Variants in UPK3A observed in about 807,000 individuals in gnomAD.
UPK3A encodes uroplakin-3a.
In UPK3A, 32 loss-of-function variants were observed where a neutral mutation model predicts 27.6. The observed-to-expected ratio is 1.16, with a 90% CI of 0.87 to 1.55. The LOEUF (loss-of-function observed/expected upper bound fraction) is 1.55, where lower values mean the gene tolerates loss of function less well. Among genes scored for constraint, UPK3A ranks in the 40% most tolerant of loss-of-function variants. The pLI, the probability that UPK3A is intolerant of heterozygous loss-of-function variation, is 0.00. For missense variants in UPK3A, 370 were observed against 367.9 expected (o/e 1.01, Z -0.05); for synonymous variants, 171 against 163.9 (o/e 1.04, Z -0.33).
At chr22:45,295,078 G>A (rs1344134349) in intron 5 of UPK3A, among the ~76,000 whole-genome samples, 1 of 152,054 alleles carries the variant, frequency 6.6e-6, no homozygotes, top group Non-Finnish European at 1.5e-5. Flanking sequence ...ATGTTGGCCA[G>A]GCTGGTCTCG....
In UPK3A at chr22:45,286,108, G is replaced by T. The variant is rs1429773710; in HGVS notation, c.208+12G>T. On this transcript the variant is annotated intron_variant, in intron 2 of 5. Transcript: ENST00000216211. ...CCTGGTCGACTCAGGTAAGGGTCCT[G>T]CTTCCCTCTGGCTACTCCAAAAGGG... The T allele has an allele frequency of 1.9e-6, 3 of 1,613,992 alleles. No individual in the cohort carries two copies. In the Admixed American group the frequency reaches 5.0e-5, roughly 27 times the overall value.
At position 45,292,660 on chromosome 22, in the gene UPK3A, T is replaced by C. The variant is rs148360800; in HGVS notation, c.572-521T>C. Among the ~76,000 whole-genome samples the C allele has an allele frequency of 4.6e-3, 692 of 152,072 alleles. 3 individuals are homozygous for C. Among genetic ancestry groups the C allele is most frequent in the African/African-American group, 0.016 (650 of 41,476 alleles). ...GGCTCACACCTATAATCCCAACACATTGGGAGGCTGAGGTGGGAGGATTGC... is the reference window on the plus strand; with the variant it reads ...GGCTCACACCTATAATCCCAACACACTGGGAGGCTGAGGTGGGAGGATTGC... On this transcript the variant is annotated intron_variant, in intron 4 of 5. Coordinates refer to ENST00000216211, the MANE Select transcript of UPK3A (RefSeq NM_006953.4).
At chr22:45,293,445 C>A (rs746052352) in intron 5 of UPK3A, 132 bp downstream of exon 5, 4 of 1,189,566 alleles carry the variant, frequency 3.4e-6, no homozygotes, top group South Asian at 2.5e-5. Flanking sequence ...CTCTGCCCCG[C>A]GGGTGGGGTC....
rs1253660910 is a variant in UPK3A at position 45,286,036 on chromosome 22, G to C, written c.148G>C (p.Asp50His). 4 of 1,614,180 alleles carry C rather than the reference G, an allele frequency of 2.5e-6. No individual in the cohort carries two copies. Among genetic ancestry groups the C allele is most frequent in the Non-Finnish European group, 3.4e-6 (4 of 1,180,030 alleles). The change falls in exon 2 of 6, where the codon GAC becomes CAC. Residue 50 changes from aspartate (D) to histidine (H), a missense_variant. By Grantham distance (81) the Asp-to-His change is moderately conservative. Transcript: ENST00000216211. Reference sequence around the variant, plus strand: ...CTTGGAAAAGCCTCTCTGCATGTTTGACAGCAAAGAGGCCCTCACTGGCAC... The same window carrying C: ...CTTGGAAAAGCCTCTCTGCATGTTTCACAGCAAAGAGGCCCTCACTGGCAC... ...VALEKPLCMF[D>H]SKEALTGTHE...
intron 5 of UPK3A, among the ~76,000 whole-genome samples, chr22:45,293,632 T>C (rs1235148618): frequency 1.3e-5 from 2 of 152,318 alleles, no homozygotes; most frequent in African/African-American, 4.8e-5. Context: ...ATCCTTCTGT[T>C]CTTCAGTTTC....
chr22:45,290,168 G>A (rs902132051), intron 4 of UPK3A, among the ~76,000 whole-genome samples: 2 of 152,192 alleles, frequency 1.3e-5, no homozygotes, highest in Admixed American at 6.5e-5. Flanking sequence ...GAGACCCAAA[G>A]TTCATATACA....
intron 3 of UPK3A, among the ~76,000 whole-genome samples, 163 bp downstream of exon 3, chr22:45,287,614 C>T (rs928939167): frequency 2.0e-5 from 3 of 152,090 alleles, no homozygotes; most frequent in Admixed American, 6.6e-5. Flanking sequence ...CAGAAGAGGC[C>T]CCTCTTGGAT....
intron 5 of UPK3A, among the ~76,000 whole-genome samples, chr22:45,295,282 C>A (rs1455868934): frequency 6.6e-6 from 1 of 152,138 alleles, no homozygotes; most frequent in Non-Finnish European, 1.5e-5. Context: ...TCTGCCCCTG[C>A]AACCTTAGCT....
Position 45,285,856 on chromosome 22 carries a change from C to T in UPK3A, c.53-85C>T, listed in dbSNP as rs1332610933. 1.9e-6 allele frequency: 3 copies of T among 1,594,144 alleles called. No homozygotes were observed. The African/African-American group carries it at 4.0e-5, about 21-fold the overall frequency. On this transcript the variant is annotated intron_variant, in intron 1 of 5. Transcript: ENST00000216211. ...GGAGGGTGAAGCCCAGGGCCTGGCA[C>T]ACAACACGTGCTCAGTAACTGCAAG...
chr22:45,285,712 TG>T (rs1249034927), intron 1 of UPK3A, among the ~76,000 whole-genome samples: 1 of 152,040 alleles, frequency 6.6e-6, no homozygotes, highest in Non-Finnish European at 1.5e-5. Flanking sequence ...GTGGAGTTCT[TG>T]GCAACTGAGT....
intron 5 of UPK3A, among the ~76,000 whole-genome samples, chr22:45,294,050 G>A (rs556484730): frequency 3.2e-4 from 48 of 152,210 alleles, no homozygotes; most frequent in African/African-American, 1.1e-3. Context: ...CCAAGGTGCC[G>A]TGGGAATCCA....
At chr22:45,294,828 C>T (rs574371952) in intron 5 of UPK3A, among the ~76,000 whole-genome samples, 2 of 151,972 alleles carry the variant, frequency 1.3e-5, no homozygotes. Context: ...TGCCTCACAC[C>T]CACCATGTGC....
Position 45,285,958 on chromosome 22 carries a change from C to T in UPK3A, c.70C>T (p.Gln24Ter). ...RFGSAVNLQP[Q>*]LASVTFATNN... The stretch of plus-strand genomic sequence containing the variant: ...TCCTCCAGCTGTGAACCTGCAGCCC[C>T]AACTGGCCAGTGTGACTTTCGCCAC... The change falls in exon 2 of 6, where the codon CAA (glutamine) becomes TAA (stop). Residue 24 changes from glutamine to a stop codon, truncating the protein, a stop_gained. Transcript: ENST00000216211. LOFTEE classifies it high-confidence loss of function. The T allele has an allele frequency of 3.1e-6, 5 of 1,614,100 alleles. No homozygotes were observed. Among genetic ancestry groups the T allele is most frequent in the Non-Finnish European group, 4.2e-6 (5 of 1,180,010 alleles).
intron 4 of UPK3A, among the ~76,000 whole-genome samples, chr22:45,291,862 T>C (rs1339590662): frequency 2.0e-5 from 3 of 149,928 alleles, no homozygotes; most frequent in Non-Finnish European, 4.4e-5. Context: ...TGAGTTGGTA[T>C]GTGTGGTGTG....
intron 4 of UPK3A, 64 bp from the exon 5 acceptor site, chr22:45,293,117 C>G: frequency 6.2e-7 from 1 of 1,604,900 alleles, no homozygotes; most frequent in Non-Finnish European, 8.5e-7. Context: ...CACCCGCCGC[C>G]TCCTGGGAGA....
At chr22:45,288,963 G>A (rs890308743) in intron 3 of UPK3A, 98 bp from the exon 4 acceptor site, 22 of 1,194,338 alleles carry the variant, frequency 1.8e-5, no homozygotes, top group Admixed American at 8.6e-5. Flanking sequence ...CCCCGCTGCC[G>A]TCTCCCACCC....
rs148092702 is a variant in UPK3A, at chr22:45,287,298, A to C, written c.335A>C (p.Asp112Ala). The change falls in exon 3 of 6, where the codon GAC becomes GCC. Residue 112 changes from aspartate (D) to alanine (A), a missense_variant. Asp to Ala is a moderately radical substitution (Grantham distance 126). Transcript: ENST00000216211. ...GCCTTTGACCTGATCCCCTGCAGTGACCTGCCCAGCCTGGATGCCATTGGG... is the reference window on the plus strand; with the variant it reads ...GCCTTTGACCTGATCCCCTGCAGTGCCCTGCCCAGCCTGGATGCCATTGGG... ...AVAFDLIPCS[D>A]LPSLDAIGDV... The C allele has an allele frequency of 5.1e-5, 82 of 1,614,078 alleles. No individual in the cohort carries two copies. In the African/African-American group the frequency reaches 8.5e-4, roughly 17 times the overall value.
intron 4 of UPK3A, among the ~76,000 whole-genome samples, chr22:45,289,446 G>GC (rs1480999383): frequency 5.3e-5 from 8 of 151,994 alleles, no homozygotes; most frequent in Non-Finnish European, 1.0e-4. Context: ...AGGCGTGGTG[G>GC]GGGTGCCTTT....
chr22:45,292,931 C>CAAA (rs56662710), intron 4 of UPK3A, among the ~76,000 whole-genome samples: 9 of 111,500 alleles, frequency 8.1e-5, no homozygotes, highest in African/African-American at 2.8e-4. Context: ...TAAAATAATG[C>CAAA]AAAAAAAAAA....
Sources: gnomAD v4.1 joint callset for allele counts (sites outside exome capture counted in the v4.1 genomes callset) on GRCh38, gnomAD v4.1.1 for gene constraint, MANE v1.5 for transcripts, NCBI Gene and HGNC (gene_info 2026-07-23, HGNC 2026-07-21) for gene names.